Variants in CASR observed in about 807,000 individuals in gnomAD.
CASR encodes the protein extracellular calcium-sensing receptor.
Under a neutral mutation model 69.1 loss-of-function variants are expected in CASR, and 23 were observed. That is an observed-to-expected ratio of 0.33 (90% confidence interval 0.24 to 0.47). CASR has a LOEUF of 0.47. Ranked by LOEUF, CASR falls within the 20% of genes least tolerant of loss-of-function variation. The probability of loss-of-function intolerance (pLI) is 1.00; values close to 1 mark genes in which losing one functional copy is unlikely to be tolerated. For missense variants in CASR, 924 were observed against 1,356.1 expected, an observed-to-expected ratio of 0.68 and a Z score of 5.00; for synonymous variants, 541 against 544.7, an observed-to-expected ratio of 0.99 and a Z score of 0.10.
chr3:122,285,066 G>A lies in CASR; in HGVS notation c.3112G>A (p.Gly1038Arg), dbSNP rs764032437. Residue 1038 changes from glycine (G) to arginine (R), a missense_variant, in exon 7 of 7, where the codon GGA (glycine) becomes AGA (arginine). This residue lies in a region of CASR where 201 missense variants were observed against 228.8 expected (regional missense o/e 0.88). Transcript: ENST00000639785. ...QETGLQGPVGGDQRPEVEDPE... is the reference protein window; with the variant it reads ...QETGLQGPVGRDQRPEVEDPE... The stretch of plus-strand genomic sequence containing the variant: ...AACAGGTCTGCAAGGACCTGTGGGT[G>A]GAGACCAGCGGCCAGAGGTGGAGGA... The A allele has an allele frequency of 1.9e-6, 3 of 1,614,106 alleles. No individual in the cohort carries two copies. The highest frequency in any genetic ancestry group is 2.5e-6 in the Non-Finnish European group (3 of 1,180,048).
rs375588272 is a variant in CASR, at chr3:122,280,875, G to C, written c.1609-1238G>C. 3.3e-5 allele frequency among the ~76,000 whole-genome samples: 5 copies of C among 152,330 alleles called. No individual in the cohort carries two copies. In the South Asian group the frequency reaches 1.0e-3, roughly 32 times the overall value. On this transcript the variant is annotated intron_variant, in intron 5 of 6. Transcript: ENST00000639785. ...TGTATTAAGCATTACTCCAGGCTTT[G>C]TACCTGGGGTTACAAAGATGAGTGA...
Position 122,283,896 on chromosome 3 carries a change from C to A in CASR, c.1942C>A (p.Arg648=), listed in dbSNP as rs104893705. 1.5e-5 allele frequency: 24 copies of A among 1,613,762 alleles called. No individual in the cohort carries two copies. The highest frequency in any genetic ancestry group is 2.0e-5 in the Non-Finnish European group (24 of 1,179,988). The change falls in exon 7 of 7, where the codon CGA becomes AGA. Residue 648 remains arginine (R), a synonymous_variant. Transcript: ENST00000639785. ...CACACCCATTGTCAAGGCCACCAAC[C>A]GAGAGCTCTCCTACCTCCTCCTCTT... ...RNTPIVKATN[R]ELSYLLLFSL...
intron 1 of CASR, among the ~76,000 whole-genome samples, chr3:122,203,125 C>G (rs1236247394): frequency 1.3e-5 from 2 of 152,194 alleles, no homozygotes; most frequent in Non-Finnish European, 2.9e-5. Context: ...GTTTCCAGCT[C>G]TTTGCTTGTC....
rs1380034717 is a variant in CASR at position 122,287,410 on chromosome 3, A to G, written c.*2219A>G. On this transcript the variant is annotated 3_prime_UTR_variant, in exon 7 of 7. Transcript: ENST00000639785. ...ACTCAGCACAAAATCAGGGGTGTGA[A>G]ATATGAACTTGCATTGTTTTTCTAC... The G allele has an allele frequency of 1.3e-5, 2 of 152,244 alleles. No homozygotes were observed. The highest frequency in any genetic ancestry group is 4.8e-5 in the African/African-American group (2 of 41,458). The allele number at this position is 152,244 out of a possible 1,614,324, so 9.4% of individuals were successfully genotyped here.
chr3:122,277,215 T>C (rs1440623739), intron 5 of CASR, among the ~76,000 whole-genome samples: 13 of 151,780 alleles, frequency 8.6e-5, no homozygotes, highest in Non-Finnish European at 1.9e-4. Flanking sequence ...CCCAGCTAAT[T>C]GTTGTATTTT....
intron 2 of CASR, among the ~76,000 whole-genome samples, chr3:122,254,773 G>A (rs2074537558): frequency 6.6e-6 from 1 of 152,126 alleles, no homozygotes; most frequent in South Asian, 2.1e-4. Flanking sequence ...TAATACCTGA[G>A]TGCTGGCTGC....
chr3:122,233,568 AC>A (rs1351124043), intron 1 of CASR, among the ~76,000 whole-genome samples: 1 of 152,224 alleles, frequency 6.6e-6, no homozygotes, highest in Non-Finnish European at 1.5e-5. Flanking sequence ...AATTTTGTCC[AC>A]CTGATGATGT....
chr3:122,209,800 C>T (rs1051543223), intron 1 of CASR, among the ~76,000 whole-genome samples: 11 of 152,142 alleles, frequency 7.2e-5, no homozygotes, highest in African/African-American at 2.7e-4. Flanking sequence ...AAGAAAACTT[C>T]AGTCCAATAT....
chr3:122,230,505 G>A (rs1267320900), intron 1 of CASR, among the ~76,000 whole-genome samples: 1 of 152,180 alleles, frequency 6.6e-6, no homozygotes, highest in Non-Finnish European at 1.5e-5. Flanking sequence ...CTTCCCTGAG[G>A]GGCTTCCCCT....
intron 1 of CASR, among the ~76,000 whole-genome samples, chr3:122,224,573 C>T (rs1488417448): frequency 6.6e-6 from 1 of 152,138 alleles, no homozygotes; most frequent in Non-Finnish European, 1.5e-5. Flanking sequence ...ACATTCCGTG[C>T]TCATGGACAG....
Position 122,200,138 on chromosome 3 carries a change from C to T in CASR, c.-243+16326C>T, listed in dbSNP as rs545517947. Among the ~76,000 whole-genome samples the T allele has an allele frequency of 2.0e-4, 31 of 151,894 alleles. No individual in the cohort carries two copies. The South Asian group carries it at 6.2e-3, about 31-fold the overall frequency. On this transcript the variant is annotated intron_variant, in intron 1 of 6. Transcript: ENST00000639785. The stretch of plus-strand genomic sequence containing the variant: ...GTCAGGCTGGTCTCAAACTCCTGAC[C>T]CCAGGTGATCCACCTGCCTTGACCT...
At chr3:122,197,443 T>A (rs544558468) in intron 1 of CASR, among the ~76,000 whole-genome samples, 10 of 152,244 alleles carry the variant, frequency 6.6e-5, no homozygotes, top group Non-Finnish European at 1.3e-4. Context: ...AATCCTGTAC[T>A]TTTTTAAAAA....
intron 1 of CASR, among the ~76,000 whole-genome samples, chr3:122,236,814 A>G (rs1222477980): frequency 6.6e-6 from 1 of 152,256 alleles, no homozygotes; most frequent in African/African-American, 2.4e-5. Flanking sequence ...ATTAACAAAT[A>G]TATCTAGAAA....
At chr3:122,222,541 T>C (rs1434174779) in intron 1 of CASR, among the ~76,000 whole-genome samples, 2 of 152,090 alleles carry the variant, frequency 1.3e-5, no homozygotes, top group East Asian at 3.8e-4. Context: ...CAACAAGAAG[T>C]CTTAATGGAG....
intron 1 of CASR, among the ~76,000 whole-genome samples, chr3:122,216,508 C>T (rs541501193): frequency 6.6e-6 from 1 of 152,320 alleles, no homozygotes; most frequent in African/African-American, 2.4e-5. Flanking sequence ...AACTTATCAA[C>T]TCATTTTTCA....
At chr3:122,272,518 C>T (rs1042083708) in intron 4 of CASR, among the ~76,000 whole-genome samples, 2 of 152,210 alleles carry the variant, frequency 1.3e-5, no homozygotes, top group South Asian at 4.1e-4. Context: ...ATGCCTGAAA[C>T]CTGCATTGAT....
chr3:122,188,364 C>A (rs2073807099), intron 1 of CASR, among the ~76,000 whole-genome samples: 1 of 152,136 alleles, frequency 6.6e-6, no homozygotes, highest in Non-Finnish European at 1.5e-5. Context: ...AGAGGTGAAG[C>A]CTGAGATTCT....
At chr3:122,204,855 C>A (rs1461360131) in intron 1 of CASR, among the ~76,000 whole-genome samples, 1 of 152,002 alleles carries the variant, frequency 6.6e-6, no homozygotes, top group Non-Finnish European at 1.5e-5. Context: ...ATATACTTGT[C>A]AACCATTTGT....
At chr3:122,256,270 A>G (rs2074553209) in intron 2 of CASR, among the ~76,000 whole-genome samples, 1 of 152,210 alleles carries the variant, frequency 6.6e-6, no homozygotes, top group Non-Finnish European at 1.5e-5. Flanking sequence ...GGAATGTCAT[A>G]GTCTAAACAT....
Sources: gnomAD v4.1 joint callset for allele counts (sites outside exome capture counted in the v4.1 genomes callset) on GRCh38, gnomAD v4.1.1 for gene constraint, gnomAD v4.1.1 regional missense constraint, MANE v1.5 for transcripts, NCBI Gene and HGNC (gene_info 2026-07-23, HGNC 2026-07-21) for gene names.